The following PDE5A variants were observed in gnomAD, a reference collection of about 807,000 sequenced individuals.
PDE5A encodes phosphodiesterase 5A.
A neutral mutation model predicts 110.2 loss-of-function variants in PDE5A; 67 were observed. That is an observed-to-expected ratio of 0.61 (90% CI 0.50 to 0.75). The LOEUF is 0.75. Ranked by LOEUF, PDE5A falls within the 30% of genes least tolerant of loss-of-function variation. PDE5A has a pLI of 0.00. For synonymous variants in PDE5A, 328 were observed against 351.2 expected (o/e 0.93, Z 0.74); for missense variants, 862 against 1,045.1 (o/e 0.82, Z 2.42).
chr4:119,557,476 T>G (rs561981865), intron 7 of PDE5A, among the ~76,000 whole-genome samples: 68 of 152,228 alleles, frequency 4.5e-4, no homozygotes, highest in African/African-American at 1.5e-3. Flanking sequence ...TGTATATGAG[T>G]GCATTGTTGG....
intron 3 of PDE5A, among the ~76,000 whole-genome samples, chr4:119,592,108 C>T (rs1239439810): frequency 1.5e-5 from 2 of 130,364 alleles, no homozygotes; most frequent in Admixed American, 8.6e-5. Context: ...CGAGATCATA[C>T]CACACTGCAC....
intron 2 of PDE5A, among the ~76,000 whole-genome samples, chr4:119,602,059 T>A (rs1170236356): frequency 1.3e-5 from 2 of 152,166 alleles, no homozygotes; most frequent in African/African-American, 2.4e-5. Flanking sequence ...CTAAAGCTTA[T>A]TAATAGGATG....
chr4:119,579,640 T>C, intron 3 of PDE5A, among the ~76,000 whole-genome samples: 1 of 143,872 alleles, frequency 7.0e-6, no homozygotes, highest in Admixed American at 7.2e-5. Context: ...AATTGAACAA[T>C]GAGAACACAT....
At chr4:119,505,805 A>AAATT (rs1275443362) in intron 17 of PDE5A, 50 bp downstream of exon 17, 6 of 1,075,118 alleles carry the variant, frequency 5.6e-6, no homozygotes, top group Non-Finnish European at 8.2e-6. Flanking sequence ...AATAGTGAGA[A>AAATT]AATTAACTGG....
At chr4:119,622,701 G>A (rs1015656641) in intron 1 of PDE5A, among the ~76,000 whole-genome samples, 1 of 151,630 alleles carries the variant, frequency 6.6e-6, no homozygotes. Flanking sequence ...GTGAAACCCC[G>A]TCTCTACTAA....
intron 3 of PDE5A, among the ~76,000 whole-genome samples, chr4:119,577,684 T>C (rs1036355373): frequency 2.6e-5 from 4 of 152,158 alleles, no homozygotes; most frequent in African/African-American, 9.7e-5. Context: ...ATGGGACGTA[T>C]CTCAAAATAA....
chr4:119,627,380 C>A lies in PDE5A; in HGVS notation c.152+1140G>T. 1 of 885,956 alleles carries A rather than the reference C, an allele frequency of 1.1e-6. No homozygotes were observed. Among genetic ancestry groups the A allele is most frequent in the South Asian group, 5.2e-5 (1 of 19,362 alleles). The allele number at this position is 885,956 out of a possible 1,614,324, so 54.9% of individuals were successfully genotyped here. A position where few individuals can be genotyped will look rare whatever the true frequency, so the allele number is the denominator to read the frequency against. ...CCCTGGCGGGGAGCGACCGGCAGAG[C>A]CGCGGCCGCGCGCCGGCGAGTGGGA... On this transcript the variant is annotated intron_variant, in intron 1 of 20. Coordinates refer to ENST00000354960, the MANE Select transcript of PDE5A (RefSeq NM_001083.4). This position sits in a 1 kb window ranked among gnomAD's most constrained non-coding sequence, Gnocchi z 4.6.
Position 119,627,004 on chromosome 4 carries a change from T to TAAC in PDE5A, c.152+1513_152+1515dup, listed in dbSNP as rs531152368. 12 of 825,386 alleles carry TAAC rather than the reference T, an allele frequency of 1.5e-5. 1 individual carries two copies. The Admixed American group carries it at 2.9e-4, about 20-fold the overall frequency. The allele number at this position is 825,386 out of a possible 1,614,324, so 51.1% of individuals were successfully genotyped here. A position where few individuals can be genotyped will look rare whatever the true frequency, so the allele number is the denominator to read the frequency against. On this transcript the variant is annotated intron_variant, in intron 1 of 20. Transcript: ENST00000354960. This position sits in a 1 kb window ranked among gnomAD's most constrained non-coding sequence, Gnocchi z 4.6. ...AATACATCTGCAAGAGAGCAAAGAA[T>TAAC]AACAACAACAACAAAAGTTATACAG... is the stretch of plus-strand genomic sequence containing the variant.
At chr4:119,533,664 C>T (rs1181438110) in intron 11 of PDE5A, among the ~76,000 whole-genome samples, 1 of 151,980 alleles carries the variant, frequency 6.6e-6, no homozygotes. Flanking sequence ...TTTTTTCTAA[C>T]ATTATATAAG....
chr4:119,613,890 C>T (rs941731979), intron 1 of PDE5A, among the ~76,000 whole-genome samples: 30 of 151,996 alleles, frequency 2.0e-4, no homozygotes, highest in African/African-American at 5.6e-4. Flanking sequence ...GGAATCAAAT[C>T]CAGGTTTCCT....
intron 1 of PDE5A, among the ~76,000 whole-genome samples, chr4:119,620,391 T>C (rs529453915): frequency 2.0e-5 from 3 of 152,312 alleles, no homozygotes; most frequent in Non-Finnish European, 2.9e-5. Context: ...AACTTCAAAT[T>C]TGACTGAGAA....
chr4:119,597,769 A>T (rs980318502), intron 2 of PDE5A, among the ~76,000 whole-genome samples: 1 of 152,176 alleles, frequency 6.6e-6, no homozygotes, highest in Non-Finnish European at 1.5e-5. Context: ...GCTGTGAATG[A>T]AGTGATTACA....
intron 3 of PDE5A, among the ~76,000 whole-genome samples, chr4:119,583,443 A>T (rs189354866): frequency 6.6e-6 from 1 of 152,304 alleles, no homozygotes. Context: ...TATCAGCAAT[A>T]AGGCTATTTG....
At chr4:119,577,366 T>C (rs1157764522) in intron 3 of PDE5A, among the ~76,000 whole-genome samples, 3 of 152,258 alleles carry the variant, frequency 2.0e-5, no homozygotes, top group African/African-American at 7.2e-5. Context: ...TACCAAAGCC[T>C]GGCAGAGACA....
Position 119,533,063 on chromosome 4 carries a change from C to G in PDE5A, c.1632+5897G>C, listed in dbSNP as rs566840133. Among the ~76,000 whole-genome samples, 7 of 152,254 alleles carry G rather than the reference C, an allele frequency of 4.6e-5. No homozygotes were observed. In the East Asian group the frequency reaches 1.2e-3, roughly 25 times the overall value. ...TGGAACTTGGTCTTTCATAAAATGT[C>G]AAATTCTTCCAATTAGCCTCAGTGT... On this transcript the variant is annotated intron_variant, in intron 11 of 20. Coordinates refer to ENST00000354960, the MANE Select transcript of PDE5A (RefSeq NM_001083.4).
At chr4:119,610,305 A>G (rs1729699856) in intron 1 of PDE5A, among the ~76,000 whole-genome samples, 1 of 152,240 alleles carries the variant, frequency 6.6e-6, no homozygotes, top group Non-Finnish European at 1.5e-5. Flanking sequence ...GTGCATAGGA[A>G]GCTTTCAAAT....
At chr4:119,551,078 G>T (rs1349122992) in intron 9 of PDE5A, among the ~76,000 whole-genome samples, 1 of 152,080 alleles carries the variant, frequency 6.6e-6, no homozygotes, top group South Asian at 2.1e-4. Flanking sequence ...AATTCACCAG[G>T]GTCAGGAGCT....
At chr4:119,582,300 T>G (rs1728614639) in intron 3 of PDE5A, among the ~76,000 whole-genome samples, 2 of 152,348 alleles carry the variant, frequency 1.3e-5, no homozygotes, top group South Asian at 4.1e-4. Context: ...TGCTCATCTA[T>G]AAGAAGCAAC....
chr4:119,604,586 A>G (rs969274439), intron 2 of PDE5A, among the ~76,000 whole-genome samples: 2 of 152,178 alleles, frequency 1.3e-5, no homozygotes, highest in Admixed American at 1.3e-4. Flanking sequence ...CTCTATGAAG[A>G]CCAGTAAATT....
Sources: allele counts gnomAD v4.1 joint callset (sites outside exome capture counted in the v4.1 genomes callset), GRCh38; gene constraint gnomAD v4.1.1; non-coding constraint Gnocchi (gnomAD v3.1); transcripts MANE v1.5; gene names NCBI Gene and HGNC (gene_info 2026-07-23, HGNC 2026-07-21).